Variants in CACNA1B observed in about 807,000 individuals in gnomAD.
The protein encoded by CACNA1B is voltage-dependent N-type calcium channel subunit alpha-1B.
Under a neutral mutation model 247.2 loss-of-function variants are expected in CACNA1B, and 70 were observed. The observed-to-expected ratio is 0.28, with a 90% CI of 0.23 to 0.35. The LOEUF is 0.35. Among genes scored for constraint, CACNA1B ranks in the 10% least tolerant of loss-of-function variants. CACNA1B has a pLI of 1.00. For synonymous variants in CACNA1B, 1,231 were observed against 1,294.4 expected (o/e 0.95, Z 1.05); for missense variants, 2,367 against 3,197.4 (o/e 0.74, Z 6.26).
chr9:137,939,803 A>T (rs1272392891), intron 6 of CACNA1B, among the ~76,000 whole-genome samples: 1 of 143,744 alleles, frequency 7.0e-6, no homozygotes, highest in Non-Finnish European at 1.5e-5. Flanking sequence ...ACTCCGTCTC[A>T]AAATAAATAA....
intron 20 of CACNA1B, among the ~76,000 whole-genome samples, chr9:138,029,705 GGTTCAAAGTGATTCTC>G (rs1958965344): frequency 6.6e-6 from 1 of 151,024 alleles, no homozygotes; most frequent in African/African-American, 2.4e-5. Flanking sequence ...CCATCTCCCG[GGTTCAAAGTGATTCTC>G]GTTCAAAGTG....
At chr9:138,038,844 T>G (rs1253615685) in intron 20 of CACNA1B, among the ~76,000 whole-genome samples, 2 of 152,178 alleles carry the variant, frequency 1.3e-5, no homozygotes, top group Non-Finnish European at 1.5e-5. Flanking sequence ...CTGTGGTCAT[T>G]GCTTCTGGGT....
chr9:137,905,088 C>G (rs987085181), intron 3 of CACNA1B, among the ~76,000 whole-genome samples: 4 of 152,140 alleles, frequency 2.6e-5, no homozygotes, highest in South Asian at 2.1e-4. Context: ...GGCGTGGTGG[C>G]TTATACCTGT....
intron 18 of CACNA1B, among the ~76,000 whole-genome samples, chr9:138,021,261 G>T (rs899494887): frequency 6.6e-6 from 1 of 152,168 alleles, no homozygotes; most frequent in Non-Finnish European, 1.5e-5. Flanking sequence ...AGGGCCTGGG[G>T]CTTCAACTGA....
rs1956910639 is a variant in CACNA1B at position 137,881,040 on chromosome 9, G to A, written c.391-1704G>A. Among the ~76,000 whole-genome samples, 1 of 152,366 alleles carries A rather than the reference G, an allele frequency of 6.6e-6. No homozygotes were observed. Among genetic ancestry groups the A allele is most frequent in the African/African-American group, 2.4e-5 (1 of 41,600 alleles). ...GGGCAGAGCTGTGAGGAGAGGGCTC[G>A]GGCTGGGGGCTCCTTCCCAGCTGAG... is the stretch of plus-strand genomic sequence containing the variant. On this transcript the variant is annotated intron_variant, in intron 2 of 46. Coordinates refer to ENST00000371372, the MANE Select transcript of CACNA1B (RefSeq NM_000718.4). This position sits in a 1 kb window ranked among gnomAD's most constrained non-coding sequence, Gnocchi z 4.3.
rs1461241492 is a variant in CACNA1B, at chr9:137,889,000, C to T, written c.530+6117C>T. 4.1e-4 allele frequency among the ~76,000 whole-genome samples: 61 copies of T among 149,896 alleles called. 5 individuals carry two copies. Among genetic ancestry groups the T allele is most frequent in the African/African-American group, 1.4e-3 (56 of 41,170 alleles). On this transcript the variant is annotated intron_variant, in intron 3 of 46. Coordinates refer to ENST00000371372, the MANE Select transcript of CACNA1B (RefSeq NM_000718.4). The surrounding 1 kb of genome is among the most constrained non-coding windows in gnomAD (Gnocchi z 4.7). ...CCAGAGACGCTGCCTTCCCGCAAGG[C>T]GACCTGACGCTGTGTCTGAACACAG...
intron 39 of CACNA1B, among the ~76,000 whole-genome samples, chr9:138,110,905 G>T (rs1407739853): frequency 6.6e-6 from 1 of 151,638 alleles, no homozygotes; most frequent in African/African-American, 2.4e-5. Flanking sequence ...TGTCATCAAA[G>T]AAGATATATG....
chr9:138,058,142 T>C lies in CACNA1B; in HGVS notation c.4200T>C (p.Phe1400=). 6.2e-7 allele frequency: 1 copy of C among 1,613,888 alleles called. No homozygotes were observed. The highest frequency in any genetic ancestry group is 2.2e-5 in the East Asian group (1 of 44,884). ...TGTCCATCTTCTACGTGGTCTACTT[T>C]GTGGTCTTTCCCTTCTTCTTCGTCA... ...MELSIFYVVY[F]VVFPFFFVNI... is the part of the protein sequence containing the mutation. The change falls in exon 28 of 47, where the codon TTT becomes TTC. Residue 1400 remains phenylalanine (F), a synonymous_variant. Transcript: ENST00000371372. This position sits in a 1 kb window ranked among gnomAD's most constrained non-coding sequence, Gnocchi z 4.7.
chr9:138,120,751 C>T lies in CACNA1B; in HGVS notation c.6359C>T (p.Ser2120Phe). The change falls in exon 46 of 47, where the codon TCC becomes TTC. Residue 2120 changes from serine (S) to phenylalanine (F), a missense_variant. Around this residue, in one of 12 missense-constraint regions of CACNA1B, gnomAD observed 773 missense variants for 779.4 expected, o/e 0.99. Coordinates refer to ENST00000371372, the MANE Select transcript of CACNA1B (RefSeq NM_000718.4). Reference protein sequence around the residue: ...RSQERRQPSSSSSEKQRFYSC... With the variant: ...RSQERRQPSSFSSEKQRFYSC... ...CAGGAGCGGAGGCAGCCCTCATCCT[C>T]CTCCTCGGAGAAGCAGCGCTTCTAC... 6.5e-7 allele frequency: 1 copy of T among 1,548,466 alleles called. No homozygotes were observed. The highest frequency in any genetic ancestry group is 8.7e-7 in the Non-Finnish European group (1 of 1,147,062).
intron 6 of CACNA1B, among the ~76,000 whole-genome samples, chr9:137,944,761 T>C (rs1006649204): frequency 1.3e-5 from 2 of 152,204 alleles, no homozygotes; most frequent in African/African-American, 4.8e-5. Flanking sequence ...CAGCTCCTGC[T>C]ACTTCCCTAA....
At chr9:137,976,612 G>A (rs112612849) in intron 12 of CACNA1B, among the ~76,000 whole-genome samples, 2,150 of 124,362 alleles carry the variant, frequency 0.017, 12 homozygotes, top group East Asian at 0.055. Context: ...TTATGTAGGT[G>A]GGGAGGCCTT....
chr9:138,079,586 T>C (rs907088549), intron 36 of CACNA1B, among the ~76,000 whole-genome samples: 1 of 151,564 alleles, frequency 6.6e-6, no homozygotes, highest in Non-Finnish European at 1.5e-5. Flanking sequence ...CTACTAAAAA[T>C]ACAAAAATTA....
rs1187867606 is a variant in CACNA1B, at chr9:138,072,036, C to T, written c.4675-1452C>T. Among the ~76,000 whole-genome samples the T allele has an allele frequency of 6.6e-6, 1 of 152,074 alleles. No homozygotes were observed. The highest frequency in any genetic ancestry group is 1.5e-5 in the Non-Finnish European group (1 of 68,026). ...CCAGAGTTCTTGGCCATCTTGTCTA[C>T]CGTGGAGATTTTCTTTCCCTGGCAC... On this transcript the variant is annotated intron_variant, in intron 32 of 46. Transcript: ENST00000371372. The surrounding 1 kb of genome is among the most constrained non-coding windows in gnomAD (Gnocchi z 4.5).
chr9:137,988,110 G>A (rs915662003), intron 15 of CACNA1B, among the ~76,000 whole-genome samples: 3 of 152,248 alleles, frequency 2.0e-5, no homozygotes, highest in African/African-American at 7.2e-5. Flanking sequence ...TGGTCTCCCA[G>A]ATGTTTTTGA....
Position 138,121,015 on chromosome 9 carries a change from G to A in CACNA1B, c.6489+134G>A, listed in dbSNP as rs1962074371. The A allele has an allele frequency of 1.3e-5, 14 of 1,048,434 alleles. No homozygotes were observed. Among genetic ancestry groups the A allele is most frequent in the South Asian group, 9.4e-5 (6 of 63,756 alleles). The allele number at this position is 1,048,434 out of a possible 1,614,324, so 64.9% of individuals were successfully genotyped here. On this transcript the variant is annotated intron_variant, in intron 46 of 46. Coordinates refer to ENST00000371372, the MANE Select transcript of CACNA1B (RefSeq NM_000718.4). This position sits in a 1 kb window ranked among gnomAD's most constrained non-coding sequence, Gnocchi z 6.8. ...ATTCCCAGCAACCCAAGGGCCGGGC[G>A]CTCCCCTCTGTGCCCTGTCCCGGAG...
At chr9:138,025,857 G>A (rs1294484761) in intron 20 of CACNA1B, among the ~76,000 whole-genome samples, 5 of 152,288 alleles carry the variant, frequency 3.3e-5, no homozygotes, top group South Asian at 4.1e-4. Flanking sequence ...GTGCATGGGC[G>A]TTTCATGGGC....
intron 3 of CACNA1B, among the ~76,000 whole-genome samples, chr9:137,883,169 A>G (rs1230985754): frequency 2.0e-5 from 3 of 151,994 alleles, no homozygotes; most frequent in East Asian, 1.9e-4. Context: ...ACCAGCTTCC[A>G]TGGCTGGCCT....
chr9:137,972,454 G>A (rs1477160429), intron 11 of CACNA1B, among the ~76,000 whole-genome samples: 1 of 152,102 alleles, frequency 6.6e-6, no homozygotes, highest in South Asian at 2.1e-4. Flanking sequence ...TGAAGCTGCC[G>A]AGGCACCCAG....
intron 3 of CACNA1B, among the ~76,000 whole-genome samples, chr9:137,900,336 C>T (rs1957220010): frequency 6.6e-6 from 1 of 152,134 alleles, no homozygotes; most frequent in Admixed American, 6.5e-5. Flanking sequence ...CAGCCTTCCT[C>T]CCCTCTGTGG....
Sources: gnomAD v4.1 joint callset for allele counts (sites outside exome capture counted in the v4.1 genomes callset) on GRCh38, gnomAD v4.1.1 for gene constraint, gnomAD v4.1.1 regional missense constraint, Gnocchi (gnomAD v3.1) non-coding constraint, MANE v1.5 for transcripts, NCBI Gene and HGNC (gene_info 2026-07-23, HGNC 2026-07-21) for gene names.